COL10A1: variants seen among roughly 807,000 people sequenced by gnomAD.
COL10A1 encodes collagen alpha-1(X) chain.
COL10A1 carries 10 observed loss-of-function variants against 18.2 expected under a neutral mutation model. The observed-to-expected ratio is 0.55, with a 90% confidence interval of 0.34 to 0.93. The LOEUF (loss-of-function observed/expected upper bound fraction) is 0.93, where lower values mean the gene tolerates loss of function less well. Among genes scored for constraint, COL10A1 ranks in the 40% least tolerant of loss-of-function variants. The pLI is 0.02. For missense variants in COL10A1, 897 were observed against 853.5 expected, an observed-to-expected ratio of 1.05 and a Z score of -0.64; for synonymous variants, 330 against 316.6, an observed-to-expected ratio of 1.04 and a Z score of -0.45.
chr6:116,129,402 C>G (rs1779409451), upstream of COL10A1, among the ~76,000 whole-genome samples: 1 of 152,154 alleles, frequency 6.6e-6, no homozygotes, highest in South Asian at 2.1e-4. Flanking sequence ...CTTAATGTAA[C>G]AGTTTTGGCA....
intron 2 of COL10A1, among the ~76,000 whole-genome samples, chr6:116,122,948 A>T (rs931972862): frequency 6.6e-5 from 10 of 152,220 alleles, no homozygotes; most frequent in African/African-American, 2.2e-4. Context: ...TATGTAAAAG[A>T]TTTCCGTATA....
At chr6:116,146,827 A>G (rs184006734) in intron 1 of COL10A1, among the ~76,000 whole-genome samples, 69 of 152,098 alleles carry the variant, frequency 4.5e-4, no homozygotes, top group African/African-American at 1.4e-3. Context: ...TTATTCAATA[A>G]GTGGTGTTTG....
Position 116,120,542 on chromosome 6 carries a change from A to C in COL10A1, c.1574T>G (p.Phe525Cys). 1 of 1,613,858 alleles carries C rather than the reference A, an allele frequency of 6.2e-7. No homozygotes were observed. The highest frequency in any genetic ancestry group is 8.5e-7 in the Non-Finnish European group (1 of 1,179,884). ...PPGQAVMPEG[F>C]IKAGQRPSLS... is the part of the protein sequence containing the mutation. ...ACTGGGCCTTTGGCCTGCCTTTATA[A>C]AACCCTCAGGCATGACTGCTTGACC... Residue 525 changes from phenylalanine (F) to cysteine (C), a missense_variant, in exon 3 of 3, where the codon TTT (phenylalanine) becomes TGT (cysteine). By Grantham distance (205) the Phe-to-Cys change is radical. Coordinates refer to ENST00000651968, the MANE Select transcript of COL10A1 (RefSeq NM_000493.4).
the COL10A1 span, among the ~76,000 whole-genome samples, chr6:116,164,547 A>T: frequency 6.6e-6 from 1 of 152,156 alleles, no homozygotes; most frequent in Non-Finnish European, 1.5e-5. Flanking sequence ...CAATTTGCTA[A>T]TCTATCTCTT....
chr6:116,184,290 G>T, the COL10A1 span, among the ~76,000 whole-genome samples: 1 of 152,034 alleles, frequency 6.6e-6, no homozygotes, highest in Non-Finnish European at 1.5e-5. Context: ...CATGCTGTTG[G>T]ATTCAGTTAG....
chr6:116,121,712 G>T lies in COL10A1; in HGVS notation c.404C>A (p.Pro135Gln), dbSNP rs1350336723. 3 of 1,613,918 alleles carry T rather than the reference G, an allele frequency of 1.9e-6. No individual in the cohort carries two copies. The highest frequency in any genetic ancestry group is 2.5e-6 in the Non-Finnish European group (3 of 1,180,002). The change falls in exon 3 of 3, where the codon CCA (proline) becomes CAA (glutamine). Residue 135 changes from proline to glutamine, a missense_variant. Physicochemically the swap from Pro to Gln is moderately conservative, Grantham distance 76. Coordinates refer to ENST00000651968, the MANE Select transcript of COL10A1 (RefSeq NM_000493.4). ...PKGDVGPAGLPGPRGPPGPPG... is the reference protein window; with the variant it reads ...PKGDVGPAGLQGPRGPPGPPG... ...TGGTCCTGGTGGGCCCCGGGGTCCT[G>T]GTAGGCCAGCTGGTCCAACATCTCC...
chr6:116,205,462 A>T, the COL10A1 span, among the ~76,000 whole-genome samples: 1 of 123,280 alleles, frequency 8.1e-6, no homozygotes, highest in Non-Finnish European at 1.5e-5. Context: ...TTTCCCTGTT[A>T]TCTGGTAGGT....
chr6:116,133,673 A>G (rs1779521590), intron 1 of COL10A1, among the ~76,000 whole-genome samples: 1 of 152,084 alleles, frequency 6.6e-6, no homozygotes, highest in Non-Finnish European at 1.5e-5. Flanking sequence ...GCCATTGATC[A>G]AATAATTGTG....
chr6:116,196,552 C>T, the COL10A1 span, among the ~76,000 whole-genome samples: 18 of 151,620 alleles, frequency 1.2e-4, no homozygotes, highest in Non-Finnish European at 1.0e-4. Flanking sequence ...TAGAAAAATA[C>T]TCAAACTATT....
chr6:116,200,745 C>T, the COL10A1 span, among the ~76,000 whole-genome samples: 1 of 151,946 alleles, frequency 6.6e-6, no homozygotes, highest in Non-Finnish European at 1.5e-5. Flanking sequence ...ATCTCTTCTC[C>T]CACTAGCTTG....
At chr6:116,148,623 G>GT (rs1473089941) in intron 1 of COL10A1, among the ~76,000 whole-genome samples, 2 of 151,788 alleles carry the variant, frequency 1.3e-5, no homozygotes, top group South Asian at 2.1e-4. Context: ...AGAACATCAG[G>GT]TTTTTTTTGG....
At chr6:116,178,052 A>AGTGTGTGTGTGTGTGTGTGTGT in the COL10A1 span, among the ~76,000 whole-genome samples, 7 of 136,316 alleles carry the variant, frequency 5.1e-5, no homozygotes, top group South Asian at 2.5e-4. Context: ...CAAAGAGGAA[A>AGTGTGTGTGTGTGTGTGTGTGT]GTGTGTGTGT....
chr6:116,131,248 G>GTA (rs1235081594), intron 1 of COL10A1, among the ~76,000 whole-genome samples: 2 of 152,116 alleles, frequency 1.3e-5, no homozygotes, highest in Admixed American at 6.6e-5. Context: ...AGCAAACATT[G>GTA]TATATTTCTG....
chr6:116,158,736 A>T (rs1270686165), exon 1 of COL10A1: 6 of 152,116 alleles, frequency 3.9e-5, no homozygotes, highest in African/African-American at 7.2e-5. Context: ...TGATCCCAGG[A>T]GGGGTAAAAA....
chr6:116,122,107 G>A, intron 2 of COL10A1, 146 bp from the exon 3 acceptor site: 3 of 839,954 alleles, frequency 3.6e-6, no homozygotes, highest in Non-Finnish European at 4.0e-6. Flanking sequence ...AATGGTTTTA[G>A]ATTATATGTT....
intron 2 of COL10A1, among the ~76,000 whole-genome samples, chr6:116,124,308 G>T (rs1779226917): frequency 6.6e-6 from 1 of 152,036 alleles, no homozygotes; most frequent in South Asian, 2.1e-4. Context: ...TATGGAAAGG[G>T]AGTTTGAAGC....
At chr6:116,165,491 C>T in the COL10A1 span, among the ~76,000 whole-genome samples, 1 of 152,194 alleles carries the variant, frequency 6.6e-6, no homozygotes, top group Non-Finnish European at 1.5e-5. Flanking sequence ...GATTTGGTGA[C>T]TTCACATAGT....
chr6:116,150,394 C>T (rs1427564554), intron 1 of COL10A1, among the ~76,000 whole-genome samples: 2 of 152,142 alleles, frequency 1.3e-5, no homozygotes, highest in Admixed American at 6.5e-5. Flanking sequence ...AAGCAATTCT[C>T]CTGCCTCAAC....
In COL10A1 at chr6:116,120,480, C is replaced by T. The variant is rs1467911952; in HGVS notation, c.1636G>A (p.Val546Ile). ...AAAGCAGACACAGGCATTCCTGTTACCCCCTGGTTGGCACTAACAAGAGGG... is the reference window on the plus strand; with the variant it reads ...AAAGCAGACACAGGCATTCCTGTTATCCCCTGGTTGGCACTAACAAGAGGG... ...GTPLVSANQGVTGMPVSAFTV... is the reference protein window; with the variant it reads ...GTPLVSANQGITGMPVSAFTV... The change falls in exon 3 of 3, where the codon GTA (valine) becomes ATA (isoleucine). Residue 546 changes from valine (V) to isoleucine (I), a missense_variant. Val to Ile is a conservative substitution (Grantham distance 29). Coordinates refer to ENST00000651968, the MANE Select transcript of COL10A1 (RefSeq NM_000493.4). 6.2e-7 allele frequency: 1 copy of T among 1,614,248 alleles called. No homozygotes were observed. The highest frequency in any genetic ancestry group is 1.1e-5 in the South Asian group (1 of 91,082).
Sources: gnomAD v4.1 joint callset for allele counts (sites outside exome capture counted in the v4.1 genomes callset) on GRCh38, gnomAD v4.1.1 for gene constraint, MANE v1.5 for transcripts, NCBI Gene and HGNC (gene_info 2026-07-23, HGNC 2026-07-21) for gene names.